The following MAGED1 variants were observed in gnomAD, a reference collection of about 807,000 sequenced individuals.
MAGED1 encodes the protein melanoma-associated antigen D1.
In MAGED1, 3 loss-of-function variants were observed where a neutral mutation model predicts 54.1. The ratio of observed to expected loss-of-function variants is 0.06; its 90% CI spans 0.03 to 0.14. The LOEUF is 0.14. MAGED1 is among the 10% of genes least tolerant of loss of function. The pLI, the probability that MAGED1 is intolerant of heterozygous loss-of-function variation, is 1.00. For synonymous variants in MAGED1, 217 were observed against 227.3 expected (o/e 0.95, Z 0.41); for missense variants, 485 against 623.4 (o/e 0.78, Z 2.36).
chrX:51,872,316 A>G (rs1339901194), intron 1 of MAGED1, among the ~76,000 whole-genome samples: 2 of 111,432 alleles, frequency 1.8e-5, no homozygotes, highest in Non-Finnish European at 3.8e-5. Context: ...TTTTGTTGCC[A>G]TTGCTTTTGG....
At chrX:51,826,427 A>G (rs1361934820) in intron 1 of MAGED1, among the ~76,000 whole-genome samples, 1 of 112,029 alleles carries the variant, frequency 8.9e-6, no homozygotes, top group Non-Finnish European at 1.9e-5. Context: ...GGTTTGTGTC[A>G]TAATTTTATT....
At chrX:51,818,170 T>C (rs986660583) in intron 1 of MAGED1, among the ~76,000 whole-genome samples, 7 of 112,103 alleles carry the variant, frequency 6.2e-5, no homozygotes, top group Non-Finnish European at 1.1e-4. Context: ...CAAGGGTTTC[T>C]GAGGCAAGAG....
At chrX:51,808,745 A>G (rs1557355319) in intron 1 of MAGED1, among the ~76,000 whole-genome samples, 1 of 111,694 alleles carries the variant, frequency 9.0e-6, no homozygotes, top group Admixed American at 9.4e-5. Flanking sequence ...GAATGTATCC[A>G]TTCCCCAGCT....
At chrX:51,844,283 C>A (rs781889156) in intron 1 of MAGED1, among the ~76,000 whole-genome samples, 28 of 111,966 alleles carry the variant, frequency 2.5e-4, no homozygotes, top group Non-Finnish European at 4.5e-4. Flanking sequence ...GAAAGCTTAG[C>A]TGAATGTGGC....
intron 1 of MAGED1, among the ~76,000 whole-genome samples, chrX:51,860,747 TGA>T (rs1220401281): frequency 9.4e-6 from 1 of 106,192 alleles, no homozygotes; most frequent in Non-Finnish European, 1.9e-5. Context: ...TGGTGTGGAG[TGA>T]GAAAAAAAAA....
In MAGED1 at chrX:51,897,806, T is replaced by A. The variant is rs1557364488; in HGVS notation, c.1578T>A (p.Ile526=). ...ACFVLEKKFG[I]QLKEIDKEEH... ...TCTTGCCCCTGTAGAAATTTGGGAT[T>A]CAACTGAAAGAAATTGACAAAGAAG... The change falls in exon 7 of 13, where the codon ATT becomes ATA. Residue 526 remains isoleucine, a synonymous_variant. Transcript: ENST00000326587. The A allele has an allele frequency of 8.3e-7, 1 of 1,203,659 alleles. No homozygotes were observed.
intron 1 of MAGED1, among the ~76,000 whole-genome samples, chrX:51,806,141 CTTTT>C (rs1455501133): frequency 1.9e-5 from 2 of 107,929 alleles, no homozygotes; most frequent in African/African-American, 6.8e-5. Flanking sequence ...GCCTGGCTAA[CTTTT>C]TTACTTTTAG....
intron 1 of MAGED1, among the ~76,000 whole-genome samples, chrX:51,837,648 T>A (rs1557358050): frequency 8.9e-6 from 1 of 112,440 alleles, no homozygotes. Context: ...TTATATGCCA[T>A]CTTTCAAAGT....
chrX:51,854,608 A>G (rs1927017297), intron 1 of MAGED1, among the ~76,000 whole-genome samples: 1 of 111,510 alleles, frequency 9.0e-6, no homozygotes, highest in Non-Finnish European at 1.9e-5. Context: ...CCCTCTCTTG[A>G]CCATCAGTTT....
At chrX:51,864,189 A>T (rs782194025) in intron 1 of MAGED1, among the ~76,000 whole-genome samples, 249 of 100,441 alleles carry the variant, frequency 2.5e-3, no homozygotes, top group Admixed American at 4.8e-3. Flanking sequence ...AGAGAGAGAG[A>T]GTGTGTGTGT....
intron 1 of MAGED1, among the ~76,000 whole-genome samples, chrX:51,885,707 T>C (rs1422689623): frequency 9.0e-6 from 1 of 111,154 alleles, no homozygotes; most frequent in African/African-American, 3.3e-5. Context: ...CTTCCAGTAC[T>C]TTAATAGTTA....
chrX:51,900,589 G>A (rs1311674962), intron 11 of MAGED1, among the ~76,000 whole-genome samples: 1 of 107,174 alleles, frequency 9.3e-6, no homozygotes, highest in Non-Finnish European at 1.9e-5. Context: ...ATATATTTGT[G>A]GTGTACAATG....
intron 1 of MAGED1, among the ~76,000 whole-genome samples, chrX:51,828,319 T>C (rs1237557825): frequency 1.8e-5 from 2 of 112,115 alleles, no homozygotes; most frequent in Non-Finnish European, 3.8e-5. Flanking sequence ...ACTTATATGC[T>C]ACAGTCATTT....
chrX:51,804,880 G>A lies in MAGED1; in HGVS notation c.-37+1763G>A, dbSNP rs184435426. Among the ~76,000 whole-genome samples the A allele has an allele frequency of 3.0e-4, 34 of 111,734 alleles. No individual in the cohort carries two copies. In the East Asian group the frequency reaches 8.7e-3, roughly 29 times the overall value. ...CTATGCAGATATTAATGGGAAAACAGGATTTATGTCATAGTCTTTGCATTT... is the reference window on the plus strand; with the variant it reads ...CTATGCAGATATTAATGGGAAAACAAGATTTATGTCATAGTCTTTGCATTT... On this transcript the variant is annotated intron_variant, in intron 1 of 12. Transcript: ENST00000375772.
intron 1 of MAGED1, among the ~76,000 whole-genome samples, chrX:51,831,641 A>C (rs975891360): frequency 4.5e-5 from 5 of 111,567 alleles, no homozygotes; most frequent in Non-Finnish European, 7.5e-5. Flanking sequence ...TAAATAAATA[A>C]ATACATAATA....
chrX:51,847,736 G>A (rs990494683), intron 1 of MAGED1, among the ~76,000 whole-genome samples: 10 of 111,607 alleles, frequency 9.0e-5, no homozygotes, highest in Non-Finnish European at 1.9e-4. Context: ...GAGATTCTCC[G>A]GGGGACCCTC....
At chrX:51,847,859 A>G (rs147141764) in intron 1 of MAGED1, among the ~76,000 whole-genome samples, 3,133 of 112,157 alleles carry the variant, frequency 0.028, 63 homozygotes, top group Non-Finnish European at 0.045. Flanking sequence ...AGTTTTTTCA[A>G]TATTACAATG....
intron 1 of MAGED1, among the ~76,000 whole-genome samples, chrX:51,854,800 G>T (rs1927026266): frequency 9.0e-6 from 1 of 110,995 alleles, no homozygotes; most frequent in South Asian, 3.9e-4. Flanking sequence ...CCAGGCAGGA[G>T]AGTTCATTTT....
chrX:51,901,486 G>C (rs782254038), intron 11 of MAGED1, 67 bp from the exon 12 acceptor site: 297 of 995,187 alleles, frequency 3.0e-4, no homozygotes, highest in Non-Finnish European at 3.8e-4. Context: ...CTGATGGACA[G>C]GTAGGTTGAT....
Sources: allele counts gnomAD v4.1 joint callset (sites outside exome capture counted in the v4.1 genomes callset), GRCh38; gene constraint gnomAD v4.1.1; transcripts MANE v1.5; gene names NCBI Gene and HGNC (gene_info 2026-07-23, HGNC 2026-07-21).